The following CLVS1 variants were observed in gnomAD, a reference collection of about 807,000 sequenced individuals.
The protein encoded by CLVS1 is clavesin 1, also known as clavesin-1.
In CLVS1, 10 loss-of-function variants were observed where a neutral mutation model predicts 33.1. The ratio of observed to expected loss-of-function variants is 0.30; its 90% CI spans 0.19 to 0.51. The LOEUF (loss-of-function observed/expected upper bound fraction) is 0.51. Among genes scored for constraint, CLVS1 ranks in the 20% least tolerant of loss-of-function variants. The probability of loss-of-function intolerance (pLI) is 0.97; values close to 1 mark genes in which losing one functional copy is unlikely to be tolerated. For missense variants in CLVS1, 343 were observed against 433.4 expected (o/e 0.79, Z 1.85); for synonymous variants, 163 against 166.1 (o/e 0.98, Z 0.14).
At chr8:61,309,855 C>A (rs1810773833) in intron 2 of CLVS1, among the ~76,000 whole-genome samples, 1 of 152,236 alleles carries the variant, frequency 6.6e-6, no homozygotes, top group Admixed American at 6.5e-5. Context: ...TGGGATATAA[C>A]TCTTCAAACT....
At chr8:61,316,298 C>T (rs1175930828) in intron 2 of CLVS1, among the ~76,000 whole-genome samples, 1 of 152,184 alleles carries the variant, frequency 6.6e-6, no homozygotes, top group East Asian at 1.9e-4. Flanking sequence ...GACCTTTGCT[C>T]TACAATTGGC....
At chr8:61,059,565 C>G (rs1804546758) in intron 1 of CLVS1, among the ~76,000 whole-genome samples, 1 of 146,300 alleles carries the variant, frequency 6.8e-6, no homozygotes, top group Admixed American at 7.0e-5. Flanking sequence ...TGTCCCAGCA[C>G]TTTGGGAGGC....
the CLVS1 span, among the ~76,000 whole-genome samples, chr8:60,998,480 C>T: frequency 6.6e-6 from 1 of 152,130 alleles, no homozygotes; most frequent in Admixed American, 6.5e-5. Flanking sequence ...TTCTCTGTGG[C>T]CATGAGAGCC....
intron 1 of CLVS1, chr8:61,292,578 C>T (rs1810033977): frequency 6.1e-6 from 2 of 327,632 alleles, no homozygotes; most frequent in South Asian, 2.6e-5. Context: ...TGTTTGTTTT[C>T]CTTTCTCTTC....
chr8:61,067,471 T>C (rs1422771391), intron 1 of CLVS1, among the ~76,000 whole-genome samples: 1 of 148,706 alleles, frequency 6.7e-6, no homozygotes, highest in Non-Finnish European at 1.5e-5. Flanking sequence ...ATTATAATGA[T>C]CATTATTATA....
At chr8:61,382,411 A>G (rs1034341699) in intron 3 of CLVS1, among the ~76,000 whole-genome samples, 1 of 152,212 alleles carries the variant, frequency 6.6e-6, no homozygotes, top group African/African-American at 2.4e-5. Context: ...CCAGGTGCTT[A>G]CAGTCAGTCT....
intron 2 of CLVS1, among the ~76,000 whole-genome samples, chr8:61,262,780 C>T (rs913939027): frequency 6.6e-6 from 1 of 152,118 alleles, no homozygotes; most frequent in African/African-American, 2.4e-5. Context: ...AGGATGCTCC[C>T]ACCCTCCCTG....
At chr8:61,334,119 G>A (rs1401893959) in intron 2 of CLVS1, among the ~76,000 whole-genome samples, 1 of 152,186 alleles carries the variant, frequency 6.6e-6, no homozygotes, top group East Asian at 1.9e-4. Context: ...CATTTAGGTT[G>A]ATTTAGATTT....
At chr8:61,014,638 G>T in the CLVS1 span, among the ~76,000 whole-genome samples, 2 of 152,202 alleles carry the variant, frequency 1.3e-5, no homozygotes, top group Admixed American at 1.3e-4. Context: ...AGAAAAAAGC[G>T]TGGGGCTTTT....
intron 2 of CLVS1, among the ~76,000 whole-genome samples, chr8:61,197,217 A>T (rs1021325489): frequency 3.4e-4 from 52 of 152,248 alleles, no homozygotes; most frequent in African/African-American, 1.2e-3. Context: ...GAGATATAGG[A>T]GTCTAGTTCC....
chr8:61,268,791 GT>G (rs1464640173), intron 2 of CLVS1, among the ~76,000 whole-genome samples: 1,063 of 95,946 alleles, frequency 0.011, 14 homozygotes, highest in South Asian at 0.027. Context: ...TTTTTCATGT[GT>G]TTTTTGGCTG....
chr8:61,158,561 A>G (rs1417228154), intron 2 of CLVS1, among the ~76,000 whole-genome samples: 1 of 152,132 alleles, frequency 6.6e-6, no homozygotes, highest in African/African-American at 2.4e-5. Context: ...CAGAAGATAG[A>G]GCAGTGCATA....
chr8:61,061,549 A>T (rs1804583700), intron 1 of CLVS1, among the ~76,000 whole-genome samples: 2 of 151,540 alleles, frequency 1.3e-5, no homozygotes, highest in Non-Finnish European at 2.9e-5. Context: ...CAACAGGTAA[A>T]ATTTATAGGA....
At chr8:61,049,003 G>C in the CLVS1 span, among the ~76,000 whole-genome samples, 5 of 152,198 alleles carry the variant, frequency 3.3e-5, no homozygotes, top group African/African-American at 1.2e-4. Flanking sequence ...CCACCAGAAG[G>C]GTCCAGAATT....
At chr8:61,410,867 C>T (rs897771167) in intron 3 of CLVS1, among the ~76,000 whole-genome samples, 2 of 152,128 alleles carry the variant, frequency 1.3e-5, no homozygotes, top group Non-Finnish European at 2.9e-5. Flanking sequence ...GTCTTGAACT[C>T]CTGACCTCAA....
intron 3 of CLVS1, among the ~76,000 whole-genome samples, chr8:61,395,998 A>G (rs1481299481): frequency 6.6e-6 from 1 of 152,210 alleles, no homozygotes; most frequent in African/African-American, 2.4e-5. Context: ...TAAGGTATTG[A>G]TAGGTTCCAC....
chr8:61,434,140 A>C (rs1350869652), intron 3 of CLVS1, among the ~76,000 whole-genome samples: 1 of 152,146 alleles, frequency 6.6e-6, no homozygotes, highest in Non-Finnish European at 1.5e-5. Flanking sequence ...GTTTTACTTA[A>C]AGTAAGGTGT....
chr8:60,982,416 T>C, the CLVS1 span, among the ~76,000 whole-genome samples: 2 of 152,218 alleles, frequency 1.3e-5, no homozygotes, highest in African/African-American at 4.8e-5. Context: ...ATCAAGATAA[T>C]AGGGTCTCTT....
chr8:61,006,464 C>T, the CLVS1 span, among the ~76,000 whole-genome samples: 6 of 152,182 alleles, frequency 3.9e-5, no homozygotes, highest in East Asian at 3.9e-4. Flanking sequence ...CAGCAGTCAG[C>T]GGCCACTCAC....
Sources: allele counts gnomAD v4.1 joint callset (sites outside exome capture counted in the v4.1 genomes callset), GRCh38; gene constraint gnomAD v4.1.1; transcripts MANE v1.5; gene names NCBI Gene and HGNC (gene_info 2026-07-23, HGNC 2026-07-21).